Variants in DGKI observed in about 807,000 individuals in gnomAD.
DGKI encodes the protein DAG kinase iota.
In DGKI, 55 loss-of-function variants were observed where a neutral mutation model predicts 147.5. That is an observed-to-expected ratio of 0.37 (90% CI 0.30 to 0.47). The LOEUF (loss-of-function observed/expected upper bound fraction) is 0.47, where lower values mean the gene tolerates loss of function less well. Among genes scored for constraint, DGKI ranks in the 20% least tolerant of loss-of-function variants. DGKI has a pLI of 1.00. For missense variants in DGKI, 1,007 were observed against 1,323.8 expected, an observed-to-expected ratio of 0.76 and a Z score of 3.71; for synonymous variants, 469 against 477.1, an observed-to-expected ratio of 0.98 and a Z score of 0.22.
At chr7:137,713,128 C>T (rs1369557895) in intron 1 of DGKI, among the ~76,000 whole-genome samples, 2 of 152,214 alleles carry the variant, frequency 1.3e-5, no homozygotes, top group Non-Finnish European at 1.5e-5. Context: ...CCATGTGTCT[C>T]AGCTGTCTTT....
Position 137,722,289 on chromosome 7 carries a change from C to T in DGKI, c.402-32287G>A, listed in dbSNP as rs188450274. ...CAAAACCAGTTGGTGGTGACAAGAA[C>T]GGCAGTACCCGGGTGGTTAAACTTC... On this transcript the variant is annotated intron_variant, in intron 1 of 32. Transcript: ENST00000614521. The T allele has an allele frequency of 6.2e-4, 997 of 1,611,532 alleles. 3 individuals are homozygous for T. In the African/African-American group the frequency reaches 7.0e-3, roughly 11 times the overall value.
At chr7:137,600,565 T>C (rs1444832151) in intron 10 of DGKI, among the ~76,000 whole-genome samples, 1 of 152,176 alleles carries the variant, frequency 6.6e-6, no homozygotes, top group African/African-American at 2.4e-5. Context: ...ATAATATTTA[T>C]TTTACTATCA....
chr7:137,549,487 A>AACAC (rs138316106), intron 20 of DGKI, among the ~76,000 whole-genome samples: 1 of 151,364 alleles, frequency 6.6e-6, no homozygotes, highest in African/African-American at 2.4e-5. Flanking sequence ...TCTTACTGGG[A>AACAC]ACACACACAC....
At chr7:137,465,089 T>C (rs748712625) in intron 26 of DGKI, among the ~76,000 whole-genome samples, 7 of 152,236 alleles carry the variant, frequency 4.6e-5, no homozygotes, top group Non-Finnish European at 7.3e-5. Flanking sequence ...AAGGTGGTAG[T>C]TAAATGCATG....
At chr7:137,763,211 C>T (rs1006166214) in intron 1 of DGKI, among the ~76,000 whole-genome samples, 1 of 152,194 alleles carries the variant, frequency 6.6e-6, no homozygotes, top group Non-Finnish European at 1.5e-5. Context: ...AAATGTCTGC[C>T]TGCCTGTGAA....
intron 7 of DGKI, among the ~76,000 whole-genome samples, chr7:137,621,818 A>C (rs1312907161): frequency 1.3e-5 from 2 of 152,222 alleles, no homozygotes; most frequent in Non-Finnish European, 2.9e-5. Context: ...AGACCATCGC[A>C]CCACAGCCTG....
intron 3 of DGKI, among the ~76,000 whole-genome samples, chr7:137,673,373 C>G (rs1459073513): frequency 1.3e-5 from 2 of 152,108 alleles, no homozygotes; most frequent in African/African-American, 4.8e-5. Context: ...AGAGAATCAT[C>G]TGTAGATCTG....
At chr7:137,465,839 G>C in intron 26 of DGKI, 69 bp downstream of exon 26, 1 of 1,555,500 alleles carries the variant, frequency 6.4e-7, no homozygotes, top group Non-Finnish European at 8.7e-7. Context: ...ACGATGTCAA[G>C]TTCAAAGGCG....
intron 12 of DGKI, among the ~76,000 whole-genome samples, chr7:137,597,184 G>A (rs752726536): frequency 6.6e-6 from 1 of 151,948 alleles, no homozygotes; most frequent in Non-Finnish European, 1.5e-5. Context: ...GGCAGAGTAG[G>A]GTGAGTACAG....
At chr7:137,449,060 G>T (rs150602764) in intron 27 of DGKI, among the ~76,000 whole-genome samples, 1 of 152,082 alleles carries the variant, frequency 6.6e-6, no homozygotes, top group South Asian at 2.1e-4. Context: ...TAAAATGTTC[G>T]TATTTTAAGC....
chr7:137,516,774 T>G (rs1212620190), intron 21 of DGKI, among the ~76,000 whole-genome samples: 1 of 152,114 alleles, frequency 6.6e-6, no homozygotes, highest in Non-Finnish European at 1.5e-5. Context: ...GCATGAATGG[T>G]TGAATGGCTC....
intron 13 of DGKI, among the ~76,000 whole-genome samples, chr7:137,586,696 T>C (rs1282563554): frequency 6.6e-6 from 1 of 151,006 alleles, no homozygotes; most frequent in African/African-American, 2.4e-5. Flanking sequence ...AAAAAAAAAG[T>C]CATAACTCTC....
intron 20 of DGKI, among the ~76,000 whole-genome samples, chr7:137,548,269 T>C (rs1422066528): frequency 6.6e-6 from 1 of 152,084 alleles, no homozygotes; most frequent in Non-Finnish European, 1.5e-5. Context: ...AAACAGAAGA[T>C]AGAGTTCAAA....
intron 1 of DGKI, among the ~76,000 whole-genome samples, chr7:137,788,764 A>G (rs143976712): frequency 6.6e-6 from 1 of 152,170 alleles, no homozygotes; most frequent in African/African-American, 2.4e-5. Flanking sequence ...ACCTCCCTGC[A>G]GTCATTTCTA....
intron 1 of DGKI, among the ~76,000 whole-genome samples, chr7:137,784,893 G>A (rs536036498): frequency 6.6e-6 from 1 of 151,768 alleles, no homozygotes; most frequent in South Asian, 2.1e-4. Context: ...AACAAATCAC[G>A]ATGGAAATTA....
At chr7:137,552,231 G>A (rs879619189) in intron 20 of DGKI, 138 bp downstream of exon 20, 7 of 792,154 alleles carry the variant, frequency 8.8e-6, no homozygotes, top group Non-Finnish European at 1.0e-5. Flanking sequence ...GTTCCTATGA[G>A]AGAAACCAAG....
At chr7:137,709,518 T>A (rs1794152750) in intron 1 of DGKI, among the ~76,000 whole-genome samples, 1 of 152,230 alleles carries the variant, frequency 6.6e-6, no homozygotes, top group Non-Finnish European at 1.5e-5. Flanking sequence ...CCAACATATC[T>A]GACCACACAC....
chr7:137,547,581 T>C (rs1477453197), intron 20 of DGKI, among the ~76,000 whole-genome samples: 3 of 152,194 alleles, frequency 2.0e-5, no homozygotes, highest in Non-Finnish European at 2.9e-5. Flanking sequence ...TAGAAAGCAA[T>C]TTCTGAGAAA....
At chr7:137,669,565 C>G (rs1822767318) in intron 3 of DGKI, among the ~76,000 whole-genome samples, 1 of 152,168 alleles carries the variant, frequency 6.6e-6, no homozygotes, top group Non-Finnish European at 1.5e-5. Context: ...AACAACAGAA[C>G]TGCTTCACAG....
Sources: allele counts gnomAD v4.1 joint callset (sites outside exome capture counted in the v4.1 genomes callset), GRCh38; gene constraint gnomAD v4.1.1; transcripts MANE v1.5; gene names NCBI Gene and HGNC (gene_info 2026-07-23, HGNC 2026-07-21).